KIAA1755: variants seen among roughly 807,000 people sequenced by gnomAD.
KIAA1755 encodes uncharacterized protein KIAA1755.
In KIAA1755, 68 loss-of-function variants were observed where a neutral mutation model predicts 91.7. The ratio of observed to expected loss-of-function variants is 0.74; its 90% CI spans 0.61 to 0.91. KIAA1755 has a LOEUF of 0.91. Ranked by LOEUF, KIAA1755 falls within the 40% of genes least tolerant of loss-of-function variation. The pLI is 0.00. For synonymous variants in KIAA1755, 610 were observed against 604.6 expected (o/e 1.01, Z -0.13); for missense variants, 1,535 against 1,494.4 (o/e 1.03, Z -0.45).
At position 38,231,334 on chromosome 20, in the gene KIAA1755, C is replaced by G. The variant is rs1393026709; in HGVS notation, c.1748-9G>C. The G allele has an allele frequency of 1.2e-6, 2 of 1,604,260 alleles. No individual in the cohort carries two copies. Among genetic ancestry groups the G allele is most frequent in the Middle Eastern group, 2.2e-4 (1 of 4,542 alleles). On this transcript the variant is annotated splice_polypyrimidine_tract_variant and intron_variant, in intron 4 of 13. Coordinates refer to ENST00000279024, the MANE Select transcript of KIAA1755 (RefSeq NM_001029864.2). ...GGCCCTGTCCCGGCCACCTGGAGGA[C>G]AGAGGGCACACGTGAGCAGTGAGAA...
chr20:38,223,674 G>T (rs1336614912), intron 8 of KIAA1755, 38 bp from the exon 9 acceptor site: 18 of 1,527,714 alleles, frequency 1.2e-5, no homozygotes, highest in Non-Finnish European at 1.5e-5. Flanking sequence ...TGTCAGCCCA[G>T]GCCAACCAGG....
At chr20:38,220,808 A>G (rs1452001640) in intron 10 of KIAA1755, among the ~76,000 whole-genome samples, 1 of 152,226 alleles carries the variant, frequency 6.6e-6, no homozygotes, top group Admixed American at 6.5e-5. Context: ...ACAGATGGGA[A>G]AACTGAGGTC....
chr20:38,257,028 C>A (rs987901333), intron 1 of KIAA1755, among the ~76,000 whole-genome samples: 3 of 152,158 alleles, frequency 2.0e-5, no homozygotes, highest in Admixed American at 6.5e-5. Context: ...GACTGAGCAA[C>A]CTCCTGCCCA....
Position 38,218,243 on chromosome 20 carries a change from C to A in KIAA1755, c.2679+1G>T, listed in dbSNP as rs1222076054. ...CTGCTCCTCTGTTGTCTGGAACGCACTGCAGCCTGGAGGAAGAAGTTCTCA... is the reference window on the plus strand; with the variant it reads ...CTGCTCCTCTGTTGTCTGGAACGCAATGCAGCCTGGAGGAAGAAGTTCTCA... On this transcript the variant is annotated splice_donor_variant, in intron 12 of 13. Transcript: ENST00000279024. LOFTEE classifies it high-confidence loss of function. 1.9e-6 allele frequency: 3 copies of A among 1,614,104 alleles called. No individual in the cohort carries two copies. The highest frequency in any genetic ancestry group is 2.5e-6 in the Non-Finnish European group (3 of 1,180,062).
At chr20:38,222,693 T>C (rs1568738333) in intron 9 of KIAA1755, 96 bp from the exon 10 acceptor site, 2 of 1,367,330 alleles carry the variant, frequency 1.5e-6, no homozygotes, top group Non-Finnish European at 2.0e-6. Context: ...AACTCCCAGT[T>C]TGGCATTCAA....
At chr20:38,238,439 T>C (rs1372358535) in intron 4 of KIAA1755, among the ~76,000 whole-genome samples, 1 of 152,330 alleles carries the variant, frequency 6.6e-6, no homozygotes, top group East Asian at 1.9e-4. Context: ...CCTTTGCACA[T>C]GCTGTTCCCT....
chr20:38,240,788 C>A lies in KIAA1755; in HGVS notation c.1343G>T (p.Gly448Val), dbSNP rs1382066604. ...GCAGGGCATGGGCTTGGGAAGTCTCCCATTTCTCTCTTTGGTCTTCACCTC... is the reference window on the plus strand; with the variant it reads ...GCAGGGCATGGGCTTGGGAAGTCTCACATTTCTCTCTTTGGTCTTCACCTC... ...KIEVKTKERNGRLPKPMPCPS... is the reference protein window; with the variant it reads ...KIEVKTKERNVRLPKPMPCPS... The change falls in exon 3 of 14, where the codon GGG becomes GTG. Residue 448 changes from glycine to valine, a missense_variant. Coordinates refer to ENST00000279024, the MANE Select transcript of KIAA1755 (RefSeq NM_001029864.2). 2 of 1,608,690 alleles carry A rather than the reference C, an allele frequency of 1.2e-6. No individual in the cohort carries two copies. The highest frequency in any genetic ancestry group is 4.5e-5 in the East Asian group (2 of 44,806).
chr20:38,248,681 TTTATTATTATTA>T (rs139229061), intron 1 of KIAA1755, among the ~76,000 whole-genome samples: 10 of 144,838 alleles, frequency 6.9e-5, no homozygotes, highest in South Asian at 2.2e-4. Context: ...TTGTCTTCTC[TTTATTATTATTA>T]TTATTATTAT....
chr20:38,214,134 T>G (rs942317155), intron 13 of KIAA1755, among the ~76,000 whole-genome samples: 35 of 152,200 alleles, frequency 2.3e-4, no homozygotes, highest in Admixed American at 2.1e-3. Context: ...GTATTTTTAG[T>G]AGGACGGGGT....
At chr20:38,253,779 GA>G (rs1014525232) in intron 1 of KIAA1755, among the ~76,000 whole-genome samples, 1 of 152,180 alleles carries the variant, frequency 6.6e-6, no homozygotes, top group Non-Finnish European at 1.5e-5. Context: ...ATTAGGAGGG[GA>G]AAAAATAAAA....
chr20:38,231,789 A>G (rs1376448568), intron 4 of KIAA1755, among the ~76,000 whole-genome samples: 4 of 152,220 alleles, frequency 2.6e-5, no homozygotes, highest in Non-Finnish European at 4.4e-5. Flanking sequence ...GCAAGAGCTC[A>G]GTGAATGATT....
chr20:38,228,554 T>C (rs1206230662), intron 5 of KIAA1755, among the ~76,000 whole-genome samples: 1 of 152,146 alleles, frequency 6.6e-6, no homozygotes, highest in Non-Finnish European at 1.5e-5. Context: ...CTTTTTTGTG[T>C]AGGCAGAATC....
intron 5 of KIAA1755, among the ~76,000 whole-genome samples, chr20:38,229,636 A>G (rs183845315): frequency 6.6e-6 from 1 of 152,308 alleles, no homozygotes; most frequent in African/African-American, 2.4e-5. Flanking sequence ...TCAGAGCACA[A>G]GTGGAGAAAA....
Position 38,212,932 on chromosome 20 carries a change from G to A in KIAA1755, c.*110C>T, listed in dbSNP as rs2075473199. 1.3e-6 allele frequency: 1 copy of A among 796,042 alleles called. No homozygotes were observed. Among genetic ancestry groups the A allele is most frequent in the African/African-American group, 1.7e-5 (1 of 57,762 alleles). The allele number at this position is 796,042 out of a possible 1,614,324, so 49.3% of individuals were successfully genotyped here. A position where few individuals can be genotyped will look rare whatever the true frequency, so the allele number is the denominator to read the frequency against. On this transcript the variant is annotated 3_prime_UTR_variant, in exon 14 of 14. Coordinates refer to ENST00000279024, the MANE Select transcript of KIAA1755 (RefSeq NM_001029864.2). The stretch of plus-strand genomic sequence containing the variant: ...CCAGCAGAGGCAGAATGTAAAACCA[G>A]TGCTCCATGGTGACGTCTCACTGGG...
chr20:38,218,163 C>A, intron 12 of KIAA1755, 81 bp downstream of exon 12: 2 of 1,580,672 alleles, frequency 1.3e-6, no homozygotes, highest in East Asian at 2.2e-5. Flanking sequence ...CCCACCTCCA[C>A]AGCTTTGCCC....
intron 4 of KIAA1755, among the ~76,000 whole-genome samples, chr20:38,237,851 T>C (rs147085059): frequency 2.1e-4 from 32 of 151,568 alleles, no homozygotes; most frequent in African/African-American, 7.3e-4. Flanking sequence ...ATGTGGGGAA[T>C]GAGGACAAGA....
Position 38,218,362 on chromosome 20 carries a change from C to T in KIAA1755, c.2561G>A (p.Ser854Asn), listed in dbSNP as rs1440714409. Residue 854 changes from serine to asparagine, a missense_variant, in exon 12 of 14, where the codon AGC becomes AAC. Coordinates refer to ENST00000279024, the MANE Select transcript of KIAA1755 (RefSeq NM_001029864.2). ...CCTTCCTTCCTGCTCCATCCAGTCG[C>T]TGACCTGGGGCAGGAGAGGCAGATT... ...GRLEAAIHQV[S>N]DWMEQEGRRC... 1 of 1,614,142 alleles carries T rather than the reference C, an allele frequency of 6.2e-7. No homozygotes were observed. Among genetic ancestry groups the T allele is most frequent in the Admixed American group, 1.7e-5 (1 of 60,026 alleles).
At chr20:38,245,251 G>A (rs1600641570) in intron 2 of KIAA1755, among the ~76,000 whole-genome samples, 1 of 152,148 alleles carries the variant, frequency 6.6e-6, no homozygotes, top group East Asian at 1.9e-4. Flanking sequence ...AAATCCTTGA[G>A]CTTCCCTGGG....
chr20:38,242,009 C>A, intron 2 of KIAA1755, 80 bp from the exon 3 acceptor site: 1 of 1,426,754 alleles, frequency 7.0e-7, no homozygotes, highest in South Asian at 1.3e-5. Flanking sequence ...CCCTCTCCCA[C>A]GTGGAATCTG....
Sources: gnomAD v4.1 joint callset for allele counts (sites outside exome capture counted in the v4.1 genomes callset) on GRCh38, gnomAD v4.1.1 for gene constraint, MANE v1.5 for transcripts, NCBI Gene and HGNC (gene_info 2026-07-23, HGNC 2026-07-21) for gene names.